Variants in EXOC6B observed in about 807,000 individuals in gnomAD.
The protein encoded by EXOC6B is exocyst complex component 6B, also known as SEC15 homolog B.
A neutral mutation model predicts 113.5 loss-of-function variants in EXOC6B; 54 were observed. The ratio of observed to expected loss-of-function variants is 0.48; its 90% confidence interval spans 0.38 to 0.60. The LOEUF (loss-of-function observed/expected upper bound fraction) is 0.60. EXOC6B is among the 20% of genes least tolerant of loss of function. The pLI, the probability that EXOC6B is intolerant of heterozygous loss-of-function variation, is 0.00. For missense variants in EXOC6B, 797 were observed against 977.5 expected, an observed-to-expected ratio of 0.82 and a Z score of 2.46; for synonymous variants, 357 against 339.0, an observed-to-expected ratio of 1.05 and a Z score of -0.58.
intron 5 of EXOC6B, among the ~76,000 whole-genome samples, chr2:72,725,762 T>C (rs375685299): frequency 1.2e-4 from 19 of 152,236 alleles, no homozygotes; most frequent in African/African-American, 4.3e-4. Flanking sequence ...GTTGGGAAGA[T>C]AAAAAGGTGC....
At chr2:72,254,093 G>A (rs1404943591) in intron 20 of EXOC6B, among the ~76,000 whole-genome samples, 1 of 151,970 alleles carries the variant, frequency 6.6e-6, no homozygotes, top group African/African-American at 2.4e-5. Context: ...CCAGGAGGAG[G>A]AGGTTGCAGT....
chr2:72,279,993 C>T (rs1459909079), intron 20 of EXOC6B, among the ~76,000 whole-genome samples: 1 of 152,100 alleles, frequency 6.6e-6, no homozygotes, highest in East Asian at 1.9e-4. Context: ...CAACATCTAA[C>T]AATGATGGCA....
chr2:72,450,889 C>A (rs1056161528), intron 18 of EXOC6B, among the ~76,000 whole-genome samples: 3 of 152,078 alleles, frequency 2.0e-5, no homozygotes, highest in African/African-American at 7.2e-5. Flanking sequence ...TCATTCCCTG[C>A]GCTACTCAAG....
At chr2:72,655,555 A>C (rs1289813126) in intron 6 of EXOC6B, among the ~76,000 whole-genome samples, 1 of 152,096 alleles carries the variant, frequency 6.6e-6, no homozygotes. Flanking sequence ...AATTCCATTC[A>C]CATAAACTCC....
chr2:72,650,098 C>A (rs1159373991), intron 6 of EXOC6B, among the ~76,000 whole-genome samples: 1 of 152,230 alleles, frequency 6.6e-6, no homozygotes, highest in Non-Finnish European at 1.5e-5. Flanking sequence ...CAGATCAATG[C>A]AGCATTAGAT....
intron 1 of EXOC6B, among the ~76,000 whole-genome samples, chr2:72,775,208 G>A (rs1683630016): frequency 6.6e-6 from 1 of 152,134 alleles, no homozygotes; most frequent in African/African-American, 2.4e-5. Flanking sequence ...CTGGCCATTG[G>A]TGATTGGGGC....
intron 20 of EXOC6B, among the ~76,000 whole-genome samples, chr2:72,220,310 C>T (rs1431742244): frequency 6.6e-6 from 1 of 152,098 alleles, no homozygotes; most frequent in Non-Finnish European, 1.5e-5. Context: ...CTCTGCTGCC[C>T]CTCCCCCAGT....
chr2:72,732,100 G>A (rs1001557781), intron 3 of EXOC6B, among the ~76,000 whole-genome samples: 1 of 152,130 alleles, frequency 6.6e-6, no homozygotes, highest in Non-Finnish European at 1.5e-5. Flanking sequence ...ATTGTAAACT[G>A]TGATGGTTTA....
intron 20 of EXOC6B, among the ~76,000 whole-genome samples, chr2:72,300,276 G>A (rs1275573101): frequency 6.6e-6 from 1 of 152,190 alleles, no homozygotes; most frequent in African/African-American, 2.4e-5. Flanking sequence ...CTGAGCTGTG[G>A]TGGGTTCCGC....
intron 20 of EXOC6B, among the ~76,000 whole-genome samples, chr2:72,291,164 C>T (rs894327486): frequency 6.6e-6 from 1 of 151,984 alleles, no homozygotes; most frequent in Non-Finnish European, 1.5e-5. Context: ...ACAATTTGAC[C>T]GAGGATATAT....
At chr2:72,494,347 G>A (rs2105556314) in intron 15 of EXOC6B, among the ~76,000 whole-genome samples, 1 of 152,100 alleles carries the variant, frequency 6.6e-6, no homozygotes, top group South Asian at 2.1e-4. Flanking sequence ...AGGCAGGTGG[G>A]GGATGGAAAC....
intron 19 of EXOC6B, among the ~76,000 whole-genome samples, chr2:72,360,435 G>A (rs1363689500): frequency 2.0e-5 from 3 of 152,128 alleles, no homozygotes; most frequent in Admixed American, 1.3e-4. Flanking sequence ...AGGATGGAAA[G>A]CCAACAGTCT....
At chr2:72,654,421 C>G (rs1674443156) in intron 6 of EXOC6B, among the ~76,000 whole-genome samples, 1 of 152,130 alleles carries the variant, frequency 6.6e-6, no homozygotes, top group African/African-American at 2.4e-5. Context: ...TTATAATTAG[C>G]AGGGTTAGAC....
intron 8 of EXOC6B, among the ~76,000 whole-genome samples, chr2:72,520,990 G>C (rs887201847): frequency 3.9e-5 from 6 of 152,004 alleles, no homozygotes; most frequent in African/African-American, 1.5e-4. Context: ...ACACCACAAG[G>C]GTTGCCAACT....
chr2:72,622,208 CA>C (rs1671790936), intron 6 of EXOC6B, among the ~76,000 whole-genome samples: 1 of 149,204 alleles, frequency 6.7e-6, no homozygotes, highest in African/African-American at 2.4e-5. Flanking sequence ...TTATAAATAA[CA>C]TTTTAAAAAA....
intron 8 of EXOC6B, among the ~76,000 whole-genome samples, chr2:72,529,909 T>G (rs989487709): frequency 2.6e-5 from 4 of 152,228 alleles, no homozygotes; most frequent in East Asian, 3.8e-4. Context: ...AATTTATGTA[T>G]GTAGAGTTGT....
rs1045540275 is a variant in EXOC6B, at chr2:72,720,922, G to T, written c.465-2615C>A. 2.0e-5 allele frequency among the ~76,000 whole-genome samples: 3 copies of T among 151,434 alleles called. No individual in the cohort carries two copies. The East Asian group carries it at 5.8e-4, about 29-fold the overall frequency. Reference sequence around the variant, plus strand: ...AGGAAAGCTTCTATAAGCATAGAAGGACAAATAAAATTAAGATTAATAAAG... The same window carrying T: ...AGGAAAGCTTCTATAAGCATAGAAGTACAAATAAAATTAAGATTAATAAAG... On this transcript the variant is annotated intron_variant, in intron 5 of 21. Coordinates refer to ENST00000272427, the MANE Select transcript of EXOC6B (RefSeq NM_015189.3).
chr2:72,386,627 G>A (rs1015270645), intron 18 of EXOC6B, among the ~76,000 whole-genome samples: 1 of 152,182 alleles, frequency 6.6e-6, no homozygotes, highest in Non-Finnish European at 1.5e-5. Context: ...TACTTCAGAG[G>A]GTGCAAGCCA....
chr2:72,597,153 T>C (rs1474764599), intron 6 of EXOC6B, among the ~76,000 whole-genome samples: 1 of 151,336 alleles, frequency 6.6e-6, no homozygotes, highest in African/African-American at 2.4e-5. Flanking sequence ...TGCCACTAAA[T>C]TGTTCACTTA....
Sources: gnomAD v4.1 joint callset for allele counts (sites outside exome capture counted in the v4.1 genomes callset) on GRCh38, gnomAD v4.1.1 for gene constraint, MANE v1.5 for transcripts, NCBI Gene and HGNC (gene_info 2026-07-23, HGNC 2026-07-21) for gene names.